BCAS3: variants seen among roughly 807,000 people sequenced by gnomAD.
The protein encoded by BCAS3 is BCAS3 microtubule associated cell migration factor.
In BCAS3, 53 loss-of-function variants were observed where a neutral mutation model predicts 116.1. The observed-to-expected ratio is 0.46, with a 90% CI of 0.37 to 0.57. BCAS3 has a LOEUF of 0.57. Among genes scored for constraint, BCAS3 ranks in the 20% least tolerant of loss-of-function variants. BCAS3 has a pLI of 0.00. For missense variants in BCAS3, 917 were observed against 1,165.4 expected (o/e 0.79, Z 3.10); for synonymous variants, 391 against 408.2 (o/e 0.96, Z 0.51).
Position 61,128,562 on chromosome 17 carries a change from A to G in BCAS3, c.2425+43998A>G, listed in dbSNP as rs2076165342. ...CGTTTGAATCGTTTGACTGCTATAC[A>G]CAATCCCCAGCACTTATAAAATAAA... On this transcript the variant is annotated intron_variant, in intron 22 of 23. Transcript: ENST00000407086. This position sits in a 1 kb window ranked among gnomAD's most constrained non-coding sequence, Gnocchi z 4.1. The G allele has an allele frequency of 1.0e-6, 1 of 985,302 alleles. No individual in the cohort carries two copies. Among genetic ancestry groups the G allele is most frequent in the Admixed American group, 6.2e-5 (1 of 16,256 alleles). 61.0% of individuals were successfully genotyped at this position (985,302 alleles called of 1,614,324 possible). A position where few individuals can be genotyped will look rare whatever the true frequency, so the allele number is the denominator to read the frequency against.
Position 61,333,833 on chromosome 17 carries a change from C to T in BCAS3, c.2426-34494C>T, listed in dbSNP as rs1397843222. ...TGGGGTTTCACCATGTTGGCCAAGC[C>T]GGTCTCAAACTCCTTACCTCAAGTG... is the stretch of plus-strand genomic sequence containing the variant. On this transcript the variant is annotated intron_variant, in intron 22 of 23. Coordinates refer to ENST00000407086, the MANE Select transcript of BCAS3 (RefSeq NM_017679.5). The surrounding 1 kb of genome is among the most constrained non-coding windows in gnomAD (Gnocchi z 4.8). Among the ~76,000 whole-genome samples the T allele has an allele frequency of 2.6e-5, 4 of 151,946 alleles. No homozygotes were observed. Among genetic ancestry groups the T allele is most frequent in the Admixed American group, 6.6e-5 (1 of 15,236 alleles).
chr17:61,066,297 A>G (rs1039205895), intron 19 of BCAS3, among the ~76,000 whole-genome samples: 1 of 152,174 alleles, frequency 6.6e-6, no homozygotes, highest in African/African-American at 2.4e-5. Context: ...AACAAAACCA[A>G]ACCAAATAGA....
chr17:60,757,326 A>C (rs2043087396), intron 6 of BCAS3, among the ~76,000 whole-genome samples: 1 of 24,080 alleles, frequency 4.2e-5, no homozygotes, highest in African/African-American at 4.9e-5. Flanking sequence ...AAAAAATAAT[A>C]ATAATAAATA....
chr17:61,185,510 G>A (rs755599155), intron 22 of BCAS3, among the ~76,000 whole-genome samples: 1 of 152,068 alleles, frequency 6.6e-6, no homozygotes, highest in Non-Finnish European at 1.5e-5. Context: ...TTAGAGATCG[G>A]AAGTAACCAA....
At chr17:60,711,282 T>C (rs1390024081) in intron 5 of BCAS3, among the ~76,000 whole-genome samples, 2 of 152,114 alleles carry the variant, frequency 1.3e-5, no homozygotes, top group East Asian at 3.8e-4. Flanking sequence ...GGTCCCTCAA[T>C]GTTCTTTGTA....
At chr17:60,843,182 A>G (rs966902454) in intron 7 of BCAS3, among the ~76,000 whole-genome samples, 1 of 149,598 alleles carries the variant, frequency 6.7e-6, no homozygotes, top group Non-Finnish European at 1.5e-5. Flanking sequence ...CCCTTTTCAT[A>G]GTGTCTCTAT....
intron 22 of BCAS3, among the ~76,000 whole-genome samples, chr17:61,152,642 A>ATGAT (rs1263186728): frequency 6.6e-6 from 1 of 152,142 alleles, no homozygotes; most frequent in African/African-American, 2.4e-5. Flanking sequence ...AAAGGGCCAA[A>ATGAT]TGATCCAGTT....
rs1279751839 is a variant in BCAS3 at position 61,073,604 on chromosome 17, A to G, written c.2030-1316A>G. On this transcript the variant is annotated intron_variant, in intron 19 of 23. Transcript: ENST00000407086. The surrounding 1 kb of genome is among the most constrained non-coding windows in gnomAD (Gnocchi z 4.6). ...ATTTACATCCTCTGATTTCATATGT[A>G]GGAATCTAACTCAAGGAAATTTTTG... Among the ~76,000 whole-genome samples, 1 of 152,202 alleles carries G rather than the reference A, an allele frequency of 6.6e-6. No homozygotes were observed. The highest frequency in any genetic ancestry group is 1.9e-4 in the East Asian group (1 of 5,200).
intron 7 of BCAS3, among the ~76,000 whole-genome samples, chr17:60,830,330 A>T (rs1177120767): frequency 3.3e-5 from 5 of 152,192 alleles, no homozygotes; most frequent in Non-Finnish European, 7.4e-5. Context: ...TGAGAACTGT[A>T]AAACTAACTG....
intron 19 of BCAS3, among the ~76,000 whole-genome samples, chr17:61,053,314 A>C (rs528643546): frequency 2.6e-5 from 4 of 152,286 alleles, no homozygotes; most frequent in African/African-American, 9.6e-5. Flanking sequence ...TTCTAATATA[A>C]AGCCATGCAT....
intron 6 of BCAS3, among the ~76,000 whole-genome samples, chr17:60,778,379 A>T (rs1270044423): frequency 6.6e-6 from 1 of 152,202 alleles, no homozygotes; most frequent in African/African-American, 2.4e-5. Context: ...AGGTTCTATT[A>T]TATGGAATTC....
rs2082539109 is a variant in BCAS3, at chr17:61,229,387, T to C, written c.2426-138940T>C. The stretch of plus-strand genomic sequence containing the variant: ...CTGATGGAGAAGCTCCAGCCAGTTA[T>C]CTAGAAGATCTAGCCAAGATCATTG... On this transcript the variant is annotated intron_variant, in intron 22 of 23. Coordinates refer to ENST00000407086, the MANE Select transcript of BCAS3 (RefSeq NM_017679.5). This position sits in a 1 kb window ranked among gnomAD's most constrained non-coding sequence, Gnocchi z 4.4. 1.3e-5 allele frequency among the ~76,000 whole-genome samples: 2 copies of C among 152,238 alleles called. No homozygotes were observed. Among genetic ancestry groups the C allele is most frequent in the Admixed American group, 6.5e-5 (1 of 15,284 alleles).
In BCAS3 at chr17:61,229,933, T is replaced by C. The variant is rs944565533; in HGVS notation, c.2426-138394T>C. Among the ~76,000 whole-genome samples the C allele has an allele frequency of 7.9e-5, 12 of 152,218 alleles. No individual in the cohort carries two copies. The highest frequency in any genetic ancestry group is 2.9e-4 in the African/African-American group (12 of 41,456). On this transcript the variant is annotated intron_variant, in intron 22 of 23. Transcript: ENST00000407086. The surrounding 1 kb of genome is among the most constrained non-coding windows in gnomAD (Gnocchi z 4.4). ...TGAGGTCAGGAGTTCAAGACCAGCCTGGCCAATATAGCAAAATCTGGTCTC... is the reference window on the plus strand; with the variant it reads ...TGAGGTCAGGAGTTCAAGACCAGCCCGGCCAATATAGCAAAATCTGGTCTC...
intron 6 of BCAS3, among the ~76,000 whole-genome samples, chr17:60,760,107 T>C (rs1288838632): frequency 6.6e-6 from 1 of 152,256 alleles, no homozygotes. Context: ...CCATCATACT[T>C]GTATCATGTT....
At chr17:60,707,117 G>C (rs552607693) in intron 4 of BCAS3, among the ~76,000 whole-genome samples, 1 of 151,696 alleles carries the variant, frequency 6.6e-6, no homozygotes, top group Non-Finnish European at 1.5e-5. Context: ...GCAGCCTCCC[G>C]TGTAGCTGGG....
intron 5 of BCAS3, among the ~76,000 whole-genome samples, chr17:60,721,032 T>TA (rs2039182615): frequency 6.6e-6 from 1 of 152,182 alleles, no homozygotes; most frequent in Admixed American, 6.5e-5. Context: ...TTTTATACAC[T>TA]AAAAGCTTTA....
intron 6 of BCAS3, among the ~76,000 whole-genome samples, chr17:60,801,217 G>C (rs2047744672): frequency 6.6e-6 from 1 of 152,048 alleles, no homozygotes; most frequent in Non-Finnish European, 1.5e-5. Flanking sequence ...CATAAGTCCT[G>C]TACATGTTTA....
chr17:61,031,565 A>G (rs1248920483), intron 16 of BCAS3, among the ~76,000 whole-genome samples: 2 of 152,092 alleles, frequency 1.3e-5, no homozygotes, highest in Non-Finnish European at 2.9e-5. Flanking sequence ...ATTCCTCTGC[A>G]AATCTTAAAG....
intron 22 of BCAS3, among the ~76,000 whole-genome samples, chr17:61,191,643 C>T (rs1177004525): frequency 2.6e-5 from 4 of 151,668 alleles, no homozygotes; most frequent in African/African-American, 4.8e-5. Context: ...GGTGTGGTGA[C>T]GGGCGCCTAT....
Sources: allele counts gnomAD v4.1 joint callset (sites outside exome capture counted in the v4.1 genomes callset), GRCh38; gene constraint gnomAD v4.1.1; non-coding constraint Gnocchi (gnomAD v3.1); transcripts MANE v1.5; gene names NCBI Gene and HGNC (gene_info 2026-07-23, HGNC 2026-07-21).